The following DMWD variants were observed in gnomAD, a reference collection of about 807,000 sequenced individuals.
DMWD encodes DM1 locus, WD repeat containing.
Under a neutral mutation model 45.8 loss-of-function variants are expected in DMWD, and 19 were observed. That is an observed-to-expected ratio of 0.41 (90% CI 0.29 to 0.61). DMWD has a LOEUF of 0.61. Among genes scored for constraint, DMWD ranks in the 20% least tolerant of loss-of-function variants. The pLI, the probability that DMWD is intolerant of heterozygous loss-of-function variation, is 0.25. For missense variants in DMWD, 802 were observed against 965.2 expected, an observed-to-expected ratio of 0.83 and a Z score of 2.24; for synonymous variants, 515 against 440.5, an observed-to-expected ratio of 1.17 and a Z score of -2.12.
rs758472529 is a variant in DMWD, at chr19:45,785,896, G to A, written c.1600C>T (p.Arg534Trp). The A allele has an allele frequency of 8.1e-6, 13 of 1,603,854 alleles. No individual in the cohort carries two copies. Among genetic ancestry groups the A allele is most frequent in the Admixed American group, 1.7e-5 (1 of 59,972 alleles). The change falls in exon 3 of 5, where the codon CGG becomes TGG. Residue 534 changes from arginine (R) to tryptophan (W), a missense_variant. Coordinates refer to ENST00000270223, the MANE Select transcript of DMWD (RefSeq NM_004943.2). The stretch of plus-strand genomic sequence containing the variant: ...CGCTTGTGCTCCTTCTCTGCCCCCC[G>A]GTCCCGCCGCTCCTGCAGTGTGAGC... Reference protein sequence around the residue: ...ATLTLQERRDRGAEKEHKRYH... With the variant: ...ATLTLQERRDWGAEKEHKRYH...
At chr19:45,789,046 T>G (rs1970320948) in intron 2 of DMWD, among the ~76,000 whole-genome samples, 1 of 151,988 alleles carries the variant, frequency 6.6e-6, no homozygotes, top group African/African-American at 2.4e-5. Flanking sequence ...TACTAAACTC[T>G]CCAAGCTTCC....
rs1364322421 is a variant in DMWD, at chr19:45,792,761, G to A, written c.-5C>T. 17 of 1,125,260 alleles carry A rather than the reference G, an allele frequency of 1.5e-5. No homozygotes were observed. In the East Asian group the frequency reaches 4.3e-4, roughly 29 times the overall value. 69.7% of individuals were successfully genotyped at this position (1,125,260 alleles called of 1,614,324 possible). A position where few individuals can be genotyped will look rare whatever the true frequency, so the allele number is the denominator to read the frequency against. On this transcript the variant is annotated 5_prime_UTR_variant, in exon 1 of 5. Transcript: ENST00000270223. ...CTCCGCGCCGCCCGCCGCCATCTTGGGCGCCCCCCGGGCCCCGCCACTGCC... is the reference window on the plus strand; with the variant it reads ...CTCCGCGCCGCCCGCCGCCATCTTGAGCGCCCCCCGGGCCCCGCCACTGCC...
rs767351580 is a variant in DMWD, at chr19:45,784,719, C to T, written c.1903-4G>A. On this transcript the variant is annotated splice_region_variant and splice_polypyrimidine_tract_variant and intron_variant, in intron 3 of 4. Coordinates refer to ENST00000270223, the MANE Select transcript of DMWD (RefSeq NM_004943.2). ...CCTCGGTCTCCTCGTCTGTGAACTACGGAGACAGAGGGGTCTCTTTTAGGA... is the reference window on the plus strand; with the variant it reads ...CCTCGGTCTCCTCGTCTGTGAACTATGGAGACAGAGGGGTCTCTTTTAGGA... 3.7e-6 allele frequency: 6 copies of T among 1,613,206 alleles called. No homozygotes were observed. Among genetic ancestry groups the T allele is most frequent in the East Asian group, 2.2e-5 (1 of 44,878 alleles).
At position 45,786,590 on chromosome 19, in the gene DMWD, C is replaced by G. The variant is rs1490478855; in HGVS notation, c.906G>C (p.Val302=). The G allele has an allele frequency of 1.2e-6, 2 of 1,613,920 alleles. No individual in the cohort carries two copies. The highest frequency in any genetic ancestry group is 2.7e-5 in the African/African-American group (2 of 75,060). The change falls in exon 3 of 5, where the codon GTG becomes GTC. Residue 302 remains valine (V), a synonymous_variant. Coordinates refer to ENST00000270223, the MANE Select transcript of DMWD (RefSeq NM_004943.2). The part of the protein sequence containing the change: ...FSPDGRHLAC[V]SQDGCLRVFH... ...AGACGCGCAGGCAGCCATCCTGGCTCACACAGGCCAGGTGCCGGCCATCGG... is the reference window on the plus strand; with the variant it reads ...AGACGCGCAGGCAGCCATCCTGGCTGACACAGGCCAGGTGCCGGCCATCGG...
In DMWD at chr19:45,785,577, G is replaced by A; in HGVS notation, c.1902+17C>T. 1 of 1,464,046 alleles carries A rather than the reference G, an allele frequency of 6.8e-7. No individual in the cohort carries two copies. The highest frequency in any genetic ancestry group is 9.0e-7 in the Non-Finnish European group (1 of 1,105,890). 90.7% of individuals were successfully genotyped at this position (1,464,046 alleles called of 1,614,324 possible). ...GGTCCTGCCAGGTCCCCGGCAGGCT[G>A]GTGTGGGGCCACTCACCGCCTTGCC... On this transcript the variant is annotated intron_variant, in intron 3 of 4. Coordinates refer to ENST00000270223, the MANE Select transcript of DMWD (RefSeq NM_004943.2).
Position 45,784,510 on chromosome 19 carries a change from A to G in DMWD, c.1977+131T>C, listed in dbSNP as rs1970242018. On this transcript the variant is annotated intron_variant, in intron 4 of 4. Transcript: ENST00000270223. ...AGTCAGCACTTTCACGCAATAATCA[A>G]AGTCCTTGGCGGATCCTGAGTGAGA... 5 of 1,463,032 alleles carry G rather than the reference A, an allele frequency of 3.4e-6. 1 individual carries two copies. In the Admixed American group the frequency reaches 6.5e-5, roughly 19 times the overall value. 90.6% of individuals were successfully genotyped at this position (1,463,032 alleles called of 1,614,324 possible). A position where few individuals can be genotyped will look rare whatever the true frequency, so the allele number is the denominator to read the frequency against.
chr19:45,789,199 G>A (rs1970322340), intron 2 of DMWD: 1 of 152,258 alleles, frequency 6.6e-6, no homozygotes, highest in African/African-American at 2.4e-5. Context: ...GCCCTGAGAT[G>A]TGATATCCCT....
chr19:45,785,243 G>T, intron 3 of DMWD: 3 of 1,061,628 alleles, frequency 2.8e-6, no homozygotes, highest in Non-Finnish European at 3.4e-6. Context: ...AAAGTTTCAC[G>T]ATTTAAAAAA....
rs762606932 is a variant in DMWD at position 45,785,672 on chromosome 19, G to A, written c.1824C>T (p.Val608=). 4 of 1,588,924 alleles carry A rather than the reference G, an allele frequency of 2.5e-6. No individual in the cohort carries two copies. The African/African-American group carries it at 4.0e-5, about 16-fold the overall frequency. The change falls in exon 3 of 5, where the codon GTC becomes GTT. Residue 608 remains valine, a synonymous_variant. Transcript: ENST00000270223. ...TGATGCAGTCCTCCAGGAACAGGAG[G>A]ACTGTGAGCCGCTCCTGGGCGATCT... ...CKKIAQERLT[V]LLFLEDCIIT... is the part of the protein sequence containing the mutation.
At chr19:45,787,073 C>T in intron 2 of DMWD, 1 of 981,910 alleles carries the variant, frequency 1.0e-6, no homozygotes, top group South Asian at 1.7e-5. Flanking sequence ...CATGGGGAAA[C>T]AGAGGCTGCT....
intron 2 of DMWD, chr19:45,789,925 C>A (rs1970332301): frequency 1.3e-5 from 2 of 152,232 alleles, no homozygotes; most frequent in Admixed American, 1.3e-4. Flanking sequence ...CCGAGGCGGG[C>A]AGATCACGAG....
intron 2 of DMWD, chr19:45,787,155 A>G: frequency 1.9e-6 from 1 of 532,002 alleles, no homozygotes; most frequent in Non-Finnish European, 3.4e-6. Flanking sequence ...CCTGCTTGCC[A>G]CAGAATTGTC....
rs1236938087 is a variant in DMWD at position 45,783,987 on chromosome 19, G to C, written c.*256C>G. On this transcript the variant is annotated 3_prime_UTR_variant, in exon 5 of 5. Coordinates refer to ENST00000270223, the MANE Select transcript of DMWD (RefSeq NM_004943.2). ...TCACATGCTGGGGACAGGGATGAGG[G>C]TAACACTGATGTTTCAGAGGAAGAG... The C allele has an allele frequency of 3.1e-6, 2 of 636,466 alleles. No homozygotes were observed. Among genetic ancestry groups the C allele is most frequent in the Non-Finnish European group, 5.5e-6 (2 of 361,166 alleles). 39.4% of individuals were successfully genotyped at this position (636,466 alleles called of 1,614,324 possible).
At position 45,784,733 on chromosome 19, in the gene DMWD, T is replaced by A; in HGVS notation, c.1903-18A>T. 2 of 1,611,734 alleles carry A rather than the reference T, an allele frequency of 1.2e-6. No individual in the cohort carries two copies. Among genetic ancestry groups the A allele is most frequent in the Non-Finnish European group, 1.7e-6 (2 of 1,178,910 alleles). ...TCTGTGAACTACGGAGACAGAGGGG[T>A]CTCTTTTAGGACTCAACCAGACTCC... On this transcript the variant is annotated intron_variant, in intron 3 of 4. Coordinates refer to ENST00000270223, the MANE Select transcript of DMWD (RefSeq NM_004943.2).
Position 45,785,148 on chromosome 19 carries a change from G to A in DMWD, c.1903-433C>T, listed in dbSNP as rs114336690. On this transcript the variant is annotated intron_variant, in intron 3 of 4. Coordinates refer to ENST00000270223, the MANE Select transcript of DMWD (RefSeq NM_004943.2). ...TCCCAGCCTGTGCCTTCAGCAGGAG[G>A]CTCAGATCCTGAGTCCCAGACCCAG... The A allele has an allele frequency of 5.9e-3, 6,033 of 1,024,462 alleles. 261 individuals carry two copies. The African/African-American group carries it at 0.093, about 16-fold the overall frequency. 63.5% of individuals were successfully genotyped at this position (1,024,462 alleles called of 1,614,324 possible).
rs928728772 is a variant in DMWD, at chr19:45,783,258, C to T, written c.*985G>A. 2.2e-5 allele frequency: 6 copies of T among 266,742 alleles called. No homozygotes were observed. The highest frequency in any genetic ancestry group is 4.2e-5 in the Non-Finnish European group (6 of 142,788). The allele number at this position is 266,742 out of a possible 1,614,324, so 16.5% of individuals were successfully genotyped here. ...GCGCGGGAAGACACACTCCCTGCGG[C>T]TCCGAGAGCCAAGAGGAATCTGAGC... On this transcript the variant is annotated 3_prime_UTR_variant, in exon 5 of 5. Coordinates refer to ENST00000270223, the MANE Select transcript of DMWD (RefSeq NM_004943.2).
intron 2 of DMWD, among the ~76,000 whole-genome samples, chr19:45,787,731 C>T (rs1210099792): frequency 6.6e-6 from 1 of 152,254 alleles, no homozygotes; most frequent in Non-Finnish European, 1.5e-5. Flanking sequence ...CTCTTTTCCT[C>T]ATCCAATCCT....
intron 3 of DMWD, chr19:45,785,246 T>C (rs1332459481): frequency 1.7e-5 from 18 of 1,064,578 alleles, no homozygotes; most frequent in Non-Finnish European, 1.9e-5. Context: ...GTTTCACGAT[T>C]TAAAAAACAG....
At chr19:45,791,860 C>T (rs1240832859) in intron 1 of DMWD, among the ~76,000 whole-genome samples, 2 of 152,108 alleles carry the variant, frequency 1.3e-5, no homozygotes, top group Non-Finnish European at 2.9e-5. Flanking sequence ...ACCTTCAAGG[C>T]CCCCATCACT....
Sources: gnomAD v4.1 joint callset for allele counts (sites outside exome capture counted in the v4.1 genomes callset) on GRCh38, gnomAD v4.1.1 for gene constraint, MANE v1.5 for transcripts, NCBI Gene and HGNC (gene_info 2026-07-23, HGNC 2026-07-21) for gene names.